SLC24A2: variants seen among roughly 807,000 people sequenced by gnomAD.
The protein encoded by SLC24A2 is sodium/potassium/calcium exchanger 2.
Under a neutral mutation model 62.0 loss-of-function variants are expected in SLC24A2, and 36 were observed. The observed-to-expected ratio is 0.58, with a 90% CI of 0.44 to 0.77. The LOEUF (loss-of-function observed/expected upper bound fraction) is 0.77. Among genes scored for constraint, SLC24A2 ranks in the 30% least tolerant of loss-of-function variants. The pLI, the probability that SLC24A2 is intolerant of heterozygous loss-of-function variation, is 0.00. For missense variants in SLC24A2, 846 were observed against 817.9 expected (o/e 1.03, Z -0.42); for synonymous variants, 358 against 294.0 (o/e 1.22, Z -2.23).
chr9:19,625,540 T>C (rs1288432436), intron 2 of SLC24A2, among the ~76,000 whole-genome samples: 1 of 152,186 alleles, frequency 6.6e-6, no homozygotes, highest in Non-Finnish European at 1.5e-5. Flanking sequence ...GAAAATATTC[T>C]GTAATTCAAA....
intron 2 of SLC24A2, among the ~76,000 whole-genome samples, chr9:19,711,437 C>A (rs906571303): frequency 1.3e-5 from 2 of 152,170 alleles, no homozygotes; most frequent in African/African-American, 2.4e-5. Flanking sequence ...AATTTGACAA[C>A]CAATGCCATA....
the SLC24A2 span, among the ~76,000 whole-genome samples, chr9:20,029,811 A>AGTGTGTGT: frequency 6.6e-6 from 1 of 151,552 alleles, no homozygotes; most frequent in Non-Finnish European, 1.5e-5. Context: ...GATATGGGTA[A>AGTGTGTGT]GTGTGTGTGT....
chr9:19,973,507 G>T, the SLC24A2 span, among the ~76,000 whole-genome samples: 1 of 152,206 alleles, frequency 6.6e-6, no homozygotes, highest in Non-Finnish European at 1.5e-5. Flanking sequence ...ATAGACGTGG[G>T]CGTTGGAGCA....
the SLC24A2 span, among the ~76,000 whole-genome samples, chr9:20,271,239 G>T: frequency 2.0e-5 from 3 of 152,184 alleles, no homozygotes; most frequent in African/African-American, 7.2e-5. Flanking sequence ...TGGATGTGCT[G>T]CTTTGTAGAT....
At chr9:19,521,446 C>A (rs1833195489) in intron 9 of SLC24A2, among the ~76,000 whole-genome samples, 1 of 152,192 alleles carries the variant, frequency 6.6e-6, no homozygotes, top group Non-Finnish European at 1.5e-5. Context: ...GAAGATTTGC[C>A]CTTCAACTTA....
the SLC24A2 span, among the ~76,000 whole-genome samples, chr9:19,890,329 A>G: frequency 1.3e-5 from 2 of 152,204 alleles, no homozygotes; most frequent in South Asian, 2.1e-4. Context: ...GAAATTGCAC[A>G]AGGGCATGAA....
the SLC24A2 span, among the ~76,000 whole-genome samples, chr9:20,282,855 T>C: frequency 6.6e-6 from 1 of 152,208 alleles, no homozygotes; most frequent in African/African-American, 2.4e-5. Flanking sequence ...ATAAAACTAT[T>C]ACTATTTTTC....
At chr9:19,521,363 G>T (rs1469641049) in intron 9 of SLC24A2, among the ~76,000 whole-genome samples, 1 of 152,194 alleles carries the variant, frequency 6.6e-6, no homozygotes, top group Admixed American at 6.5e-5. Context: ...GGAAGCTGCA[G>T]GATTAGAGGT....
At chr9:20,249,085 T>C in the SLC24A2 span, among the ~76,000 whole-genome samples, 1 of 152,176 alleles carries the variant, frequency 6.6e-6, no homozygotes, top group Non-Finnish European at 1.5e-5. Flanking sequence ...TGCCTGCCTA[T>C]GAGTCACACA....
chr9:19,790,530 CAAAAA>C (rs3086381), upstream of SLC24A2, among the ~76,000 whole-genome samples: 6 of 122,450 alleles, frequency 4.9e-5, no homozygotes, highest in Non-Finnish European at 9.8e-5. Context: ...ATTTGAGCAT[CAAAAA>C]AAAAAAAAAA....
At chr9:20,252,912 G>A in the SLC24A2 span, among the ~76,000 whole-genome samples, 3 of 152,100 alleles carry the variant, frequency 2.0e-5, no homozygotes, top group African/African-American at 7.2e-5. Flanking sequence ...TCCTGACATC[G>A]CCCCTTTCAT....
intron 2 of SLC24A2, among the ~76,000 whole-genome samples, chr9:19,679,795 C>T (rs1317371825): frequency 6.6e-6 from 1 of 151,782 alleles, no homozygotes; most frequent in Non-Finnish European, 1.5e-5. Flanking sequence ...TCAGCTTCCA[C>T]AATCACAATA....
chr9:19,744,748 A>G (rs899878624), intron 2 of SLC24A2, among the ~76,000 whole-genome samples: 2 of 152,176 alleles, frequency 1.3e-5, no homozygotes, highest in African/African-American at 4.8e-5. Context: ...ATTAGCCCCA[A>G]CTATAAGTTT....
At chr9:20,230,375 C>A in the SLC24A2 span, among the ~76,000 whole-genome samples, 1 of 152,174 alleles carries the variant, frequency 6.6e-6, no homozygotes, top group African/African-American at 2.4e-5. Flanking sequence ...TCCTATTTCT[C>A]CACATCCTCT....
the SLC24A2 span, among the ~76,000 whole-genome samples, chr9:20,244,004 G>A: frequency 2.6e-5 from 4 of 152,232 alleles, no homozygotes; most frequent in Middle Eastern, 3.4e-3. Context: ...CAGGAAGTCC[G>A]GCTGCTGTCC....
the SLC24A2 span, among the ~76,000 whole-genome samples, chr9:19,990,952 T>C: frequency 2.9e-5 from 3 of 104,770 alleles, no homozygotes; most frequent in South Asian, 7.2e-4. Context: ...TATATGTATG[T>C]ATTATATATA....
the SLC24A2 span, among the ~76,000 whole-genome samples, chr9:20,251,678 A>G: frequency 6.6e-6 from 1 of 152,210 alleles, no homozygotes; most frequent in Non-Finnish European, 1.5e-5. Context: ...ATTTTTAAAA[A>G]TCTTCTCCAA....
At chr9:19,907,046 T>C in the SLC24A2 span, among the ~76,000 whole-genome samples, 1 of 152,100 alleles carries the variant, frequency 6.6e-6, no homozygotes, top group East Asian at 1.9e-4. Context: ...TAGACCAATA[T>C]CCCTGATGAA....
At chr9:19,923,239 G>C in the SLC24A2 span, among the ~76,000 whole-genome samples, 1 of 151,882 alleles carries the variant, frequency 6.6e-6, no homozygotes, top group Non-Finnish European at 1.5e-5. Context: ...GGACACCCAA[G>C]GACTTACCAT....
Sources: gnomAD v4.1 joint callset for allele counts (sites outside exome capture counted in the v4.1 genomes callset) on GRCh38, gnomAD v4.1.1 for gene constraint, MANE v1.5 for transcripts, NCBI Gene and HGNC (gene_info 2026-07-23, HGNC 2026-07-21) for gene names.